Variants in MEF2A observed in about 807,000 individuals in gnomAD.
The protein encoded by MEF2A is myocyte enhancer factor 2A.
MEF2A carries 28 observed loss-of-function variants against 55.8 expected under a neutral mutation model. That is an observed-to-expected ratio of 0.50 (90% CI 0.37 to 0.69). MEF2A has a LOEUF of 0.69. Among genes scored for constraint, MEF2A ranks in the 30% least tolerant of loss-of-function variants. The pLI is 0.00. For missense variants in MEF2A, 528 were observed against 626.2 expected (o/e 0.84, Z 1.67); for synonymous variants, 239 against 227.1 (o/e 1.05, Z -0.47).
Position 99,656,789 on chromosome 15 carries a change from T to C in MEF2A, c.258+11025T>C, listed in dbSNP as rs539847485. ...GCATACCTGAGATTAACTTTTTTGC[T>C]CTTCTTTTAAATGAGATATAATTCG... On this transcript the variant is annotated intron_variant, in intron 4 of 11. Transcript: ENST00000557942. 4.6e-5 allele frequency among the ~76,000 whole-genome samples: 7 copies of C among 152,282 alleles called. No individual in the cohort carries two copies. The East Asian group carries it at 7.7e-4, about 17-fold the overall frequency.
At chr15:99,578,887 A>G (rs1291917882) in intron 1 of MEF2A, among the ~76,000 whole-genome samples, 1 of 152,234 alleles carries the variant, frequency 6.6e-6, no homozygotes, top group African/African-American at 2.4e-5. Context: ...TAAGGAATAT[A>G]TAAGTACATG....
At chr15:99,646,624 A>T (rs955886770) in intron 4 of MEF2A, among the ~76,000 whole-genome samples, 4 of 152,138 alleles carry the variant, frequency 2.6e-5, no homozygotes, top group African/African-American at 9.7e-5. Context: ...TATGTAGAAC[A>T]ATTGAAAAAG....
At chr15:99,645,793 G>T in intron 4 of MEF2A, 29 bp downstream of exon 4, 1 of 1,452,506 alleles carries the variant, frequency 6.9e-7, no homozygotes, top group Non-Finnish European at 9.4e-7. Flanking sequence ...TACGTGAATT[G>T]CAAGTAATAC....
intron 1 of MEF2A, among the ~76,000 whole-genome samples, chr15:99,595,189 G>A (rs1405306488): frequency 1.3e-5 from 2 of 152,146 alleles, no homozygotes; most frequent in African/African-American, 4.8e-5. Flanking sequence ...TAATAATGAG[G>A]TTGTTGTTGG....
At chr15:99,693,391 A>T (rs553114915) in intron 8 of MEF2A, among the ~76,000 whole-genome samples, 2 of 152,134 alleles carry the variant, frequency 1.3e-5, no homozygotes, top group Non-Finnish European at 2.9e-5. Flanking sequence ...CAAGTAGGAT[A>T]ATTACTACTG....
intron 2 of MEF2A, among the ~76,000 whole-genome samples, chr15:99,612,198 G>A (rs2039384253): frequency 6.6e-6 from 1 of 152,156 alleles, no homozygotes; most frequent in African/African-American, 2.4e-5. Context: ...GGTGGATCAT[G>A]AGGTCAGGAG....
At chr15:99,650,930 G>T (rs1029876160) in intron 4 of MEF2A, among the ~76,000 whole-genome samples, 6 of 152,182 alleles carry the variant, frequency 3.9e-5, no homozygotes, top group African/African-American at 1.4e-4. Flanking sequence ...CTTGCCTTAA[G>T]TGCAGTTATA....
At chr15:99,645,786 G>T in intron 4 of MEF2A, 22 bp downstream of exon 4, 1 of 1,494,084 alleles carries the variant, frequency 6.7e-7, no homozygotes, top group Non-Finnish European at 9.1e-7. Flanking sequence ...CTAGTAATAC[G>T]TGAATTGCAA....
chr15:99,653,512 A>G (rs1362578730), intron 4 of MEF2A, among the ~76,000 whole-genome samples: 1 of 152,118 alleles, frequency 6.6e-6, no homozygotes, highest in African/African-American at 2.4e-5. Flanking sequence ...ATACCTTATA[A>G]TTTTCTAGGT....
At chr15:99,620,101 T>G (rs1207318946) in intron 2 of MEF2A, among the ~76,000 whole-genome samples, 1 of 152,252 alleles carries the variant, frequency 6.6e-6, no homozygotes, top group African/African-American at 2.4e-5. Flanking sequence ...AGGAAAATAA[T>G]TTTTTAAATT....
At chr15:99,595,938 C>T (rs1414197970) in intron 1 of MEF2A, among the ~76,000 whole-genome samples, 1 of 151,986 alleles carries the variant, frequency 6.6e-6, no homozygotes, top group Non-Finnish European at 1.5e-5. Context: ...AGGCTGTCTC[C>T]CTTTTAGGTG....
chr15:99,644,646 C>T lies in MEF2A; in HGVS notation c.55-915C>T, dbSNP rs551369504. Among the ~76,000 whole-genome samples the T allele has an allele frequency of 6.6e-5, 10 of 152,274 alleles. No homozygotes were observed. The South Asian group carries it at 1.9e-3, about 28-fold the overall frequency. On this transcript the variant is annotated intron_variant, in intron 3 of 11. Coordinates refer to ENST00000557942, the MANE Select transcript of MEF2A (RefSeq NM_001319206.4). Reference sequence around the variant, plus strand: ...TGAACTTTATGTTGTTGCACAATTCCAAAGATTATTCAAAAGTATATTCTT... The same window carrying T: ...TGAACTTTATGTTGTTGCACAATTCTAAAGATTATTCAAAAGTATATTCTT...
intron 2 of MEF2A, among the ~76,000 whole-genome samples, chr15:99,614,093 G>A (rs536039575): frequency 3.9e-5 from 6 of 152,104 alleles, no homozygotes; most frequent in African/African-American, 7.2e-5. Flanking sequence ...GTTTTTACTC[G>A]CAGTTGCTTC....
At chr15:99,677,100 G>A (rs945182007) in intron 7 of MEF2A, among the ~76,000 whole-genome samples, 5 of 151,766 alleles carry the variant, frequency 3.3e-5, no homozygotes, top group Admixed American at 6.6e-5. Flanking sequence ...CAGCCTGTGC[G>A]ACAAGAGCAA....
chr15:99,713,210 C>A lies in MEF2A; in HGVS notation c.*439C>A. The A allele has an allele frequency of 2.5e-6, 1 of 399,900 alleles. No individual in the cohort carries two copies. The highest frequency in any genetic ancestry group is 2.1e-5 in the African/African-American group (1 of 48,690). 24.8% of individuals were successfully genotyped at this position (399,900 alleles called of 1,614,324 possible). A position where few individuals can be genotyped will look rare whatever the true frequency, so the allele number is the denominator to read the frequency against. Reference sequence around the variant, plus strand: ...AGAGAAAATGCTTTGTAGAACAGAGCAGTAGAAAAGCAGGAACCAAGAAAG... The same window carrying A: ...AGAGAAAATGCTTTGTAGAACAGAGAAGTAGAAAAGCAGGAACCAAGAAAG... On this transcript the variant is annotated 3_prime_UTR_variant, in exon 12 of 12. Coordinates refer to ENST00000557942, the MANE Select transcript of MEF2A (RefSeq NM_001319206.4).
At chr15:99,672,303 A>G (rs1016403441) in intron 5 of MEF2A, among the ~76,000 whole-genome samples, 3 of 152,220 alleles carry the variant, frequency 2.0e-5, no homozygotes, top group Non-Finnish European at 4.4e-5. Context: ...ATTTAGGGCA[A>G]CAATGTTCTT....
At chr15:99,655,215 A>G (rs2047504054) in intron 4 of MEF2A, among the ~76,000 whole-genome samples, 1 of 152,210 alleles carries the variant, frequency 6.6e-6, no homozygotes, top group South Asian at 2.1e-4. Flanking sequence ...ATGTACCCAC[A>G]TATACATGGT....
chr15:99,620,067 A>G (rs1474000844), intron 2 of MEF2A, among the ~76,000 whole-genome samples: 2 of 152,252 alleles, frequency 1.3e-5, no homozygotes, highest in African/African-American at 4.8e-5. Context: ...TCGTACCACG[A>G]CAGTGGTGTG....
chr15:99,598,407 C>A (rs561096582), intron 1 of MEF2A, 23 bp from the exon 2 acceptor site: 9 of 152,124 alleles, frequency 5.9e-5, no homozygotes, highest in Non-Finnish European at 8.8e-5. Context: ...AATAATGCAT[C>A]TCAAATTTTT....
Sources: gnomAD v4.1 joint callset for allele counts (sites outside exome capture counted in the v4.1 genomes callset) on GRCh38, gnomAD v4.1.1 for gene constraint, MANE v1.5 for transcripts, NCBI Gene and HGNC (gene_info 2026-07-23, HGNC 2026-07-21) for gene names.